Variants in TMEM68 observed in about 807,000 individuals in gnomAD.
TMEM68 encodes transmembrane protein 68.
In TMEM68, 25 loss-of-function variants were observed where a neutral mutation model predicts 36.9. That is an observed-to-expected ratio of 0.68 (90% CI 0.49 to 0.95). The LOEUF is 0.95. Ranked by LOEUF, TMEM68 falls within the 40% of genes least tolerant of loss-of-function variation. The pLI is 0.00. For synonymous variants in TMEM68, 131 were observed against 124.4 expected (o/e 1.05, Z -0.35); for missense variants, 333 against 392.0 (o/e 0.85, Z 1.27).
intron 4 of TMEM68, among the ~76,000 whole-genome samples, chr8:55,752,358 G>A (rs572551412): frequency 9.2e-5 from 14 of 151,434 alleles, no homozygotes; most frequent in Admixed American, 4.6e-4. Context: ...GAAGATGAGC[G>A]GGCAGACCAC....
At chr8:55,752,647 C>A (rs1386763871) in intron 4 of TMEM68, among the ~76,000 whole-genome samples, 1 of 150,870 alleles carries the variant, frequency 6.6e-6, no homozygotes, top group Non-Finnish European at 1.5e-5. Context: ...TTCACTGATT[C>A]AACTAGATGC....
intron 1 of TMEM68, among the ~76,000 whole-genome samples, chr8:55,771,866 G>C (rs895079069): frequency 1.2e-4 from 19 of 152,124 alleles, no homozygotes; most frequent in African/African-American, 4.6e-4. Context: ...CTGCAATTTA[G>C]TATTTGTCAA....
intron 1 of TMEM68, among the ~76,000 whole-genome samples, chr8:55,770,437 GGCCAAGGTGGAAGGACT>G (rs1234064646): frequency 6.6e-6 from 1 of 152,162 alleles, no homozygotes; most frequent in Non-Finnish European, 1.5e-5. Flanking sequence ...CAGTTTTCGA[GGCCAAGGTGGAAGGACT>G]GCTTGAGTTC....
chr8:55,740,515 G>T (rs1264954077), intron 7 of TMEM68, among the ~76,000 whole-genome samples: 1 of 151,712 alleles, frequency 6.6e-6, no homozygotes, highest in African/African-American at 2.4e-5. Flanking sequence ...TATAGTTGTT[G>T]TCCACGTGTC....
At chr8:55,768,435 CCAGG>C (rs1367263305) in intron 1 of TMEM68, among the ~76,000 whole-genome samples, 1 of 152,068 alleles carries the variant, frequency 6.6e-6, no homozygotes, top group East Asian at 1.9e-4. Flanking sequence ...AAGACAGAGG[CCAGG>C]CATGGTAACT....
intron 5 of TMEM68, among the ~76,000 whole-genome samples, chr8:55,748,576 A>G (rs377766879): frequency 2.1e-4 from 31 of 146,446 alleles, no homozygotes; most frequent in African/African-American, 7.9e-4. Context: ...GGAGGGAGGA[A>G]GGGGGGGAGA....
At chr8:55,743,706 T>C in intron 6 of TMEM68, 86 bp from the exon 7 acceptor site, 1 of 1,265,214 alleles carries the variant, frequency 7.9e-7, no homozygotes, top group Non-Finnish European at 1.0e-6. Flanking sequence ...ATGTAGGACT[T>C]ACAGGAAGGT....
At chr8:55,756,120 A>C (rs1810599036) in intron 4 of TMEM68, 124 bp downstream of exon 4, 1 of 667,480 alleles carries the variant, frequency 1.5e-6, no homozygotes, top group African/African-American at 1.9e-5. Flanking sequence ...CAAGAGTGTT[A>C]TACACACCCT....
chr8:55,740,273 T>A, intron 7 of TMEM68, 55 bp from the exon 8 acceptor site: 1 of 1,253,386 alleles, frequency 8.0e-7, no homozygotes, highest in South Asian at 1.3e-5. Flanking sequence ...ATAGACTGAT[T>A]TATCTCCCAT....
intron 3 of TMEM68, among the ~76,000 whole-genome samples, chr8:55,757,606 G>C (rs867068846): frequency 1.3e-5 from 2 of 152,248 alleles, no homozygotes; most frequent in Middle Eastern, 3.4e-3. Flanking sequence ...CTCCCTCTAA[G>C]AAAAGGGTAT....
intron 1 of TMEM68, among the ~76,000 whole-genome samples, chr8:55,770,772 C>G (rs1189565759): frequency 1.3e-5 from 2 of 152,072 alleles, no homozygotes; most frequent in East Asian, 3.9e-4. Context: ...CAGCCCCCTG[C>G]TCCTAAAAAT....
At chr8:55,767,690 C>T (rs1203756093) in intron 1 of TMEM68, among the ~76,000 whole-genome samples, 1 of 152,178 alleles carries the variant, frequency 6.6e-6, no homozygotes, top group Non-Finnish European at 1.5e-5. Context: ...GTAAACCCAG[C>T]ACTTTGGGAG....
At chr8:55,742,110 C>T (rs1475277589) in intron 7 of TMEM68, among the ~76,000 whole-genome samples, 1 of 152,056 alleles carries the variant, frequency 6.6e-6, no homozygotes, top group East Asian at 1.9e-4. Flanking sequence ...ATAGATGAAC[C>T]TTGAGGACAT....
chr8:55,749,463 A>G (rs1395439784), intron 5 of TMEM68, among the ~76,000 whole-genome samples: 1 of 152,180 alleles, frequency 6.6e-6, no homozygotes, highest in Non-Finnish European at 1.5e-5. Context: ...ACTTACAACT[A>G]TACATATATA....
chr8:55,756,174 T>C, intron 4 of TMEM68, 70 bp downstream of exon 4: 1 of 1,406,400 alleles, frequency 7.1e-7, no homozygotes, highest in Non-Finnish European at 9.7e-7. Flanking sequence ...GAGCTCAGGA[T>C]AGAGACGACC....
chr8:55,764,379 T>C (rs1585731728), intron 1 of TMEM68, among the ~76,000 whole-genome samples: 1 of 152,366 alleles, frequency 6.6e-6, no homozygotes, highest in Non-Finnish European at 1.5e-5. Context: ...GATAATATTT[T>C]CCTACAAAAG....
rs117715699 is a variant in TMEM68, at chr8:55,749,439, G to A, written c.687+1525C>T. ...AGGCCTATTAAGGGATTTTCCAGAG[G>A]GGATACTTGTGCCACTTACAACTAT... On this transcript the variant is annotated intron_variant, in intron 5 of 7. Coordinates refer to ENST00000434581, the MANE Select transcript of TMEM68 (RefSeq NM_001286657.2). 5.9e-3 allele frequency among the ~76,000 whole-genome samples: 891 copies of A among 152,132 alleles called. 6 individuals are homozygous for A. Among genetic ancestry groups the A allele is most frequent in the Non-Finnish European group, 9.6e-3 (650 of 67,986 alleles).
chr8:55,753,337 A>C (rs1037593641), intron 4 of TMEM68, among the ~76,000 whole-genome samples: 10 of 149,342 alleles, frequency 6.7e-5, no homozygotes, highest in African/African-American at 2.4e-4. Context: ...TTAAATCTTA[A>C]AAAAAAACCC....
At chr8:55,771,441 A>AACACACAC (rs10612593) in intron 1 of TMEM68, among the ~76,000 whole-genome samples, 3 of 149,454 alleles carry the variant, frequency 2.0e-5, no homozygotes, top group East Asian at 2.0e-4. Context: ...GTCTCTACAA[A>AACACACAC]ACACACACAC....
Sources: gnomAD v4.1 joint callset for allele counts (sites outside exome capture counted in the v4.1 genomes callset) on GRCh38, gnomAD v4.1.1 for gene constraint, MANE v1.5 for transcripts, NCBI Gene and HGNC (gene_info 2026-07-23, HGNC 2026-07-21) for gene names.